The following GTF2F2 variants were observed in gnomAD, a reference collection of about 807,000 sequenced individuals.
GTF2F2 encodes the protein general transcription factor IIF subunit 2.
GTF2F2 carries 23 observed loss-of-function variants against 42.2 expected under a neutral mutation model. The ratio of observed to expected loss-of-function variants is 0.55; its 90% CI spans 0.39 to 0.77. GTF2F2 has a LOEUF of 0.77. Ranked by LOEUF, GTF2F2 falls within the 30% of genes least tolerant of loss-of-function variation. The probability of loss-of-function intolerance (pLI) is 0.00; values close to 1 mark genes in which losing one functional copy is unlikely to be tolerated. For synonymous variants in GTF2F2, 105 were observed against 100.8 expected (o/e 1.04, Z -0.25); for missense variants, 261 against 287.2 (o/e 0.91, Z 0.66).
chr13:45,269,244 C>T (rs1289929560), intron 7 of GTF2F2, among the ~76,000 whole-genome samples: 1 of 152,132 alleles, frequency 6.6e-6, no homozygotes, highest in African/African-American at 2.4e-5. Context: ...GCAAATATCT[C>T]ATGAATTGAT....
chr13:45,222,236 A>T (rs183607533), intron 5 of GTF2F2, among the ~76,000 whole-genome samples: 3 of 152,316 alleles, frequency 2.0e-5, no homozygotes, highest in African/African-American at 7.2e-5. Context: ...AATGTTTATC[A>T]TAACCTTTTT....
intron 4 of GTF2F2, 79 bp downstream of exon 4, chr13:45,151,910 GCT>G (rs2138120342): frequency 5.9e-5 from 17 of 286,164 alleles, no homozygotes; most frequent in South Asian, 2.7e-4. Flanking sequence ...ACTCCTATTT[GCT>G]TTTTTTTTTT....
intron 4 of GTF2F2, among the ~76,000 whole-genome samples, chr13:45,195,759 A>G (rs1339281400): frequency 1.3e-5 from 2 of 152,198 alleles, no homozygotes; most frequent in African/African-American, 4.8e-5. Context: ...CCAGTACACT[A>G]TTATTTGGCC....
chr13:45,169,135 G>A (rs117808284), intron 4 of GTF2F2, among the ~76,000 whole-genome samples: 2,815 of 151,902 alleles, frequency 0.019, 31 homozygotes, highest in Middle Eastern at 0.034. Flanking sequence ...GATTACAGGC[G>A]TGAGCCACTG....
chr13:45,236,490 T>TACAC (rs3047056), intron 5 of GTF2F2, among the ~76,000 whole-genome samples: 2,643 of 141,982 alleles, frequency 0.019, 42 homozygotes, highest in East Asian at 0.044. Flanking sequence ...CCGCCACACA[T>TACAC]ACACACACAC....
At chr13:45,267,427 C>T (rs747513253) in intron 7 of GTF2F2, 51 bp downstream of exon 7, 29 of 1,225,452 alleles carry the variant, frequency 2.4e-5, no homozygotes, top group African/African-American at 7.9e-5. Context: ...TTCATTAACA[C>T]GACATTACTG....
intron 1 of GTF2F2, among the ~76,000 whole-genome samples, chr13:45,124,743 T>A (rs1868885309): frequency 6.6e-6 from 1 of 152,016 alleles, no homozygotes; most frequent in African/African-American, 2.4e-5. Context: ...TTTTTGTATC[T>A]TTAGTAGAGA....
intron 5 of GTF2F2, among the ~76,000 whole-genome samples, chr13:45,211,910 A>G (rs1159815382): frequency 6.6e-6 from 1 of 152,120 alleles, no homozygotes; most frequent in Non-Finnish European, 1.5e-5. Context: ...AAAGAATCAT[A>G]AGATACTATT....
intron 4 of GTF2F2, among the ~76,000 whole-genome samples, chr13:45,204,283 C>A (rs910984907): frequency 6.6e-6 from 1 of 152,118 alleles, no homozygotes; most frequent in Non-Finnish European, 1.5e-5. Context: ...TGCCACAGAA[C>A]GTTTAAGAAA....
intron 5 of GTF2F2, among the ~76,000 whole-genome samples, chr13:45,209,500 G>A (rs1317656918): frequency 6.6e-6 from 1 of 152,218 alleles, no homozygotes; most frequent in Non-Finnish European, 1.5e-5. Context: ...GTTTCATGAA[G>A]TAGATGATGA....
chr13:45,281,923 G>A (rs1404567554), intron 7 of GTF2F2, among the ~76,000 whole-genome samples: 1 of 152,196 alleles, frequency 6.6e-6, no homozygotes, highest in African/African-American at 2.4e-5. Context: ...TCTTGGCTGG[G>A]TGCAGTGGCT....
intron 5 of GTF2F2, among the ~76,000 whole-genome samples, chr13:45,240,591 G>C (rs1409724331): frequency 6.6e-6 from 1 of 152,188 alleles, no homozygotes; most frequent in African/African-American, 2.4e-5. Flanking sequence ...ACTTTGGGAG[G>C]CCAAGGTGGT....
chr13:45,247,836 T>C (rs1875707681), intron 5 of GTF2F2, among the ~76,000 whole-genome samples: 1 of 150,826 alleles, frequency 6.6e-6, no homozygotes, highest in East Asian at 1.9e-4. Context: ...TTTGTTGTTG[T>C]TGTTGTTTGT....
At chr13:45,197,065 T>G (rs1281168544) in intron 4 of GTF2F2, among the ~76,000 whole-genome samples, 1 of 151,988 alleles carries the variant, frequency 6.6e-6, no homozygotes, top group African/African-American at 2.4e-5. Flanking sequence ...GGTGTTCTTC[T>G]GCAAAGTTGA....
chr13:45,203,523 A>C (rs1382191130), intron 4 of GTF2F2, among the ~76,000 whole-genome samples: 3 of 152,126 alleles, frequency 2.0e-5, no homozygotes, highest in African/African-American at 7.2e-5. Flanking sequence ...ACCTGTACCT[A>C]ATTTGACAGT....
intron 4 of GTF2F2, among the ~76,000 whole-genome samples, chr13:45,153,011 A>G (rs371731545): frequency 3.2e-4 from 45 of 141,694 alleles, no homozygotes; most frequent in African/African-American, 1.1e-3. Context: ...ATCCTCGTAA[A>G]TTTTTTTTTT....
chr13:45,203,259 A>AT (rs1361764175), intron 4 of GTF2F2, among the ~76,000 whole-genome samples: 13 of 130,274 alleles, frequency 1.0e-4, no homozygotes, highest in Non-Finnish European at 1.5e-4. Flanking sequence ...TTTTTTTTGG[A>AT]TTTTTAGTAG....
intron 5 of GTF2F2, among the ~76,000 whole-genome samples, chr13:45,226,657 G>A (rs1250586002): frequency 6.6e-6 from 1 of 151,550 alleles, no homozygotes; most frequent in African/African-American, 2.4e-5. Context: ...TTTTTTCCCA[G>A]GTTCAAAAAT....
Position 45,205,523 on chromosome 13 carries a change from A to G in GTF2F2, c.305-1901A>G, listed in dbSNP as rs140506715. On this transcript the variant is annotated intron_variant, in intron 4 of 7. Coordinates refer to ENST00000340473, the MANE Select transcript of GTF2F2 (RefSeq NM_004128.3). ...AGGGATAGTAGTCTAGATTTATTTT[A>G]TTTATTTAGTTTTTTGAGACGGAGT... 9.3e-4 allele frequency among the ~76,000 whole-genome samples: 141 copies of G among 152,138 alleles called. 2 individuals are homozygous for G. In the East Asian group the frequency reaches 0.02, roughly 22 times the overall value.
Sources: gnomAD v4.1 joint callset for allele counts (sites outside exome capture counted in the v4.1 genomes callset) on GRCh38, gnomAD v4.1.1 for gene constraint, MANE v1.5 for transcripts, NCBI Gene and HGNC (gene_info 2026-07-23, HGNC 2026-07-21) for gene names.